The following RYR2 variants were observed in gnomAD, a reference collection of about 807,000 sequenced individuals.
RYR2 encodes ryanodine receptor 2, also known as cardiac muscle ryanodine receptor-calcium release channel.
Under a neutral mutation model 601.1 loss-of-function variants are expected in RYR2, and 227 were observed. That is an observed-to-expected ratio of 0.38 (90% CI 0.34 to 0.42). The LOEUF is 0.42. RYR2 is among the 10% of genes least tolerant of loss of function. The probability of loss-of-function intolerance (pLI) is 1.00; values close to 1 mark genes in which losing one functional copy is unlikely to be tolerated. For missense variants in RYR2, 4,646 were observed against 6,156.5 expected (o/e 0.75, Z 8.21); for synonymous variants, 2,223 against 2,175.1 (o/e 1.02, Z -0.61).
intron 10 of RYR2, among the ~76,000 whole-genome samples, chr1:237,400,037 T>TACACAC (rs55730903): frequency 0.01 from 1,558 of 149,228 alleles, 16 homozygotes; most frequent in East Asian, 0.023. Context: ...GTTTAGAACT[T>TACACAC]ACACACACAC....
At chr1:237,482,032 CT>C (rs1341436925) in intron 17 of RYR2, among the ~76,000 whole-genome samples, 1 of 152,008 alleles carries the variant, frequency 6.6e-6, no homozygotes, top group Non-Finnish European at 1.5e-5. Flanking sequence ...CTTAGTTGAA[CT>C]TTCACTACTT....
At chr1:237,398,796 G>T (rs1703081859) in intron 10 of RYR2, among the ~76,000 whole-genome samples, 1 of 152,220 alleles carries the variant, frequency 6.6e-6, no homozygotes. Flanking sequence ...CAAATACTTG[G>T]TGTAGAGCAA....
At chr1:237,545,032 A>G (rs1402090066) in intron 25 of RYR2, among the ~76,000 whole-genome samples, 2 of 152,206 alleles carry the variant, frequency 1.3e-5, no homozygotes, top group Non-Finnish European at 2.9e-5. Context: ...AAACAATTCT[A>G]AGCTTCAAAT....
At chr1:237,827,889 A>T (rs1186264421) in intron 101 of RYR2, among the ~76,000 whole-genome samples, 2 of 129,914 alleles carry the variant, frequency 1.5e-5, no homozygotes, top group East Asian at 2.5e-4. Flanking sequence ...GTGAGCCGAG[A>T]TTGTGCCACT....
In RYR2 at chr1:237,733,755, A is replaced by G. The variant is rs754610757; in HGVS notation, c.11090A>G (p.Lys3697Arg). 4 of 1,587,320 alleles carry G rather than the reference A, an allele frequency of 2.5e-6. No homozygotes were observed. The highest frequency in any genetic ancestry group is 2.6e-6 in the Non-Finnish European group (3 of 1,157,200). Residue 3697 changes from lysine (K) to arginine (R), a missense_variant and splice_region_variant, in exon 79 of 105, where the codon AAG becomes AGG. Lys to Arg is a conservative substitution (Grantham distance 26). Around this residue, in one of 17 missense-constraint regions of RYR2, gnomAD observed 1,497 missense variants for 1,842.6 expected, o/e 0.81. Coordinates refer to ENST00000366574, the MANE Select transcript of RYR2 (RefSeq NM_001035.3). ...ATGGCCTATGCAGATATTATGGCAAAGGTAAATAAGTATCCTTCCTGATTT... is the reference window on the plus strand; with the variant it reads ...ATGGCCTATGCAGATATTATGGCAAGGGTAAATAAGTATCCTTCCTGATTT... ...LYMAYADIMA[K>R]SCHDEEDDDG...
At chr1:237,751,544 T>C (rs1199241461) in intron 80 of RYR2, among the ~76,000 whole-genome samples, 1 of 152,234 alleles carries the variant, frequency 6.6e-6, no homozygotes, top group Non-Finnish European at 1.5e-5. Context: ...GTTCTAAATA[T>C]GCTGTATCCC....
chr1:237,669,610 G>T (rs1242082384), intron 58 of RYR2, among the ~76,000 whole-genome samples: 1 of 152,036 alleles, frequency 6.6e-6, no homozygotes, highest in Non-Finnish European at 1.5e-5. Flanking sequence ...TCACTTCTCA[G>T]ACGGGGCGGC....
rs562755354 is a variant in RYR2 at position 237,071,245 on chromosome 1, C to T, written c.48+28676C>T. Reference sequence around the variant, plus strand: ...TTGATTTTTGTTTTTTTTTTTGAGACGAAGTCTTGCTCTTGTCCCCCAGGC... The same window carrying T: ...TTGATTTTTGTTTTTTTTTTTGAGATGAAGTCTTGCTCTTGTCCCCCAGGC... On this transcript the variant is annotated intron_variant, in intron 1 of 104. Coordinates refer to ENST00000366574, the MANE Select transcript of RYR2 (RefSeq NM_001035.3). Among the ~76,000 whole-genome samples the T allele has an allele frequency of 6.9e-4, 104 of 151,268 alleles. 1 individual carries two copies. The South Asian group carries it at 0.02, about 29-fold the overall frequency.
chr1:237,593,064 A>G (rs1675409144), intron 32 of RYR2, among the ~76,000 whole-genome samples: 1 of 151,750 alleles, frequency 6.6e-6, no homozygotes, highest in Non-Finnish European at 1.5e-5. Context: ...ATACATGTAT[A>G]AGCTTGAAGA....
chr1:237,709,332 T>C, intron 69 of RYR2, 148 bp from the exon 70 acceptor site: 1 of 674,996 alleles, frequency 1.5e-6, no homozygotes, highest in Non-Finnish European at 2.5e-6. Flanking sequence ...GTTATGATGT[T>C]TAAATTTTTT....
chr1:237,431,253 A>G lies in RYR2; in HGVS notation c.1005+8005A>G, dbSNP rs144934649. Reference sequence around the variant, plus strand: ...TTAGATAATAAATTTTTTCCCATGAACTAGAGACACTAACTCTTCCAATTA... The same window carrying G: ...TTAGATAATAAATTTTTTCCCATGAGCTAGAGACACTAACTCTTCCAATTA... On this transcript the variant is annotated intron_variant, in intron 12 of 104. Coordinates refer to ENST00000366574, the MANE Select transcript of RYR2 (RefSeq NM_001035.3). Among the ~76,000 whole-genome samples, 288 of 152,290 alleles carry G rather than the reference A, an allele frequency of 1.9e-3. 4 individuals carry two copies. The highest frequency in any genetic ancestry group is 0.016 in the Admixed American group (239 of 15,292).
At chr1:237,462,526 G>A (rs1181319257) in intron 16 of RYR2, among the ~76,000 whole-genome samples, 2 of 152,212 alleles carry the variant, frequency 1.3e-5, no homozygotes, top group Admixed American at 6.5e-5. Flanking sequence ...ATTTTCTAAA[G>A]ATGTCTGAGA....
At chr1:237,116,181 C>T (rs1403823741) in intron 1 of RYR2, among the ~76,000 whole-genome samples, 1 of 152,078 alleles carries the variant, frequency 6.6e-6, no homozygotes, top group Non-Finnish European at 1.5e-5. Flanking sequence ...GCCATCTTGT[C>T]CTTGTTTTGC....
intron 80 of RYR2, among the ~76,000 whole-genome samples, chr1:237,744,645 A>G (rs951727159): frequency 2.0e-5 from 3 of 151,768 alleles, no homozygotes; most frequent in African/African-American, 7.3e-5. Context: ...GACAAGAGTG[A>G]AACTCCGTCT....
chr1:237,770,854 T>C lies in RYR2; in HGVS notation c.11524T>C (p.Phe3842Leu). 6.4e-7 allele frequency: 1 copy of C among 1,552,814 alleles called. No homozygotes were observed. The highest frequency in any genetic ancestry group is 8.7e-7 in the Non-Finnish European group (1 of 1,146,804). Residue 3842 changes from phenylalanine (F) to leucine (L), a missense_variant, in exon 85 of 105, where the codon TTC becomes CTC. Physicochemically the swap from Phe to Leu is conservative, Grantham distance 22. Coordinates refer to ENST00000366574, the MANE Select transcript of RYR2 (RefSeq NM_001035.3). ...TGAGTTCACCTGTGACCTCTTCCGA[T>C]TCCTGCAACTACTCTGTGAGGGACA... is the stretch of plus-strand genomic sequence containing the variant. Reference protein sequence around the residue: ...DDEFTCDLFRFLQLLCEGHNS... With the variant: ...DDEFTCDLFRLLQLLCEGHNS...
chr1:237,214,783 C>T (rs542370339), intron 1 of RYR2, among the ~76,000 whole-genome samples: 5 of 152,126 alleles, frequency 3.3e-5, no homozygotes, highest in Non-Finnish European at 7.4e-5. Context: ...TTTGCCTTTT[C>T]ATGAATGTAT....
At chr1:237,829,551 G>A (rs937167926) in intron 102 of RYR2, among the ~76,000 whole-genome samples, 4 of 152,204 alleles carry the variant, frequency 2.6e-5, no homozygotes, top group African/African-American at 9.6e-5. Context: ...TAAAGCTGAT[G>A]AGTGTGATTT....
intron 2 of RYR2, among the ~76,000 whole-genome samples, chr1:237,327,174 C>T (rs185843778): frequency 6.6e-6 from 1 of 151,904 alleles, no homozygotes; most frequent in East Asian, 1.9e-4. Context: ...TTAACTGTCT[C>T]AGCTTTTCTA....
In RYR2 at chr1:237,760,951, A is replaced by G. The variant is rs1318526635; in HGVS notation, c.11403-4A>G. 1.3e-6 allele frequency: 2 copies of G among 1,552,472 alleles called. No homozygotes were observed. Among genetic ancestry groups the G allele is most frequent in the Non-Finnish European group, 1.7e-6 (2 of 1,144,274 alleles). ...AAATGTTTTTTTTTCCCTTGTTATT[A>G]TAGTGTCCTTGACCTAAATGCATTT... On this transcript the variant is annotated splice_region_variant and splice_polypyrimidine_tract_variant and intron_variant, in intron 83 of 104. Transcript: ENST00000366574.
Sources: gnomAD v4.1 joint callset for allele counts (sites outside exome capture counted in the v4.1 genomes callset) on GRCh38, gnomAD v4.1.1 for gene constraint, gnomAD v4.1.1 regional missense constraint, MANE v1.5 for transcripts, NCBI Gene and HGNC (gene_info 2026-07-23, HGNC 2026-07-21) for gene names.